Variants in PDK1 observed in about 807,000 individuals in gnomAD.
PDK1 encodes the protein pyruvate dehydrogenase kinase 1.
A neutral mutation model predicts 54.2 loss-of-function variants in PDK1; 39 were observed. The ratio of observed to expected loss-of-function variants is 0.72; its 90% CI spans 0.56 to 0.94. The LOEUF is 0.94. PDK1 is among the 40% of genes least tolerant of loss of function. PDK1 has a pLI of 0.00. For missense variants in PDK1, 552 were observed against 566.0 expected (o/e 0.98, Z 0.25); for synonymous variants, 221 against 207.1 (o/e 1.07, Z -0.58).
At chr2:172,638,202 A>G in the PDK1 span, among the ~76,000 whole-genome samples, 7 of 152,334 alleles carry the variant, frequency 4.6e-5, no homozygotes, top group East Asian at 1.3e-3. Flanking sequence ...CAGAGATGGC[A>G]CTTTTATTTA....
chr2:172,573,623 ATATT>A (rs1689414617), intron 8 of PDK1, among the ~76,000 whole-genome samples: 1 of 150,544 alleles, frequency 6.6e-6, no homozygotes, highest in Admixed American at 6.7e-5. Flanking sequence ...TTGTGTGTAT[ATATT>A]CTATGTGTGT....
the PDK1 span, among the ~76,000 whole-genome samples, chr2:172,686,316 G>A: frequency 2.6e-5 from 4 of 152,310 alleles, no homozygotes; most frequent in East Asian, 7.7e-4. Flanking sequence ...CTTACAAGAG[G>A]TTTGTAAAAT....
At chr2:172,561,031 A>G (rs576209857) in intron 2 of PDK1, among the ~76,000 whole-genome samples, 1 of 152,378 alleles carries the variant, frequency 6.6e-6, no homozygotes, top group African/African-American at 2.4e-5. Flanking sequence ...ACTGCTATAT[A>G]TATGATAATC....
At chr2:172,564,902 T>G (rs1366539347) in intron 4 of PDK1, 76 bp from the exon 5 acceptor site, 1 of 1,056,164 alleles carries the variant, frequency 9.5e-7, no homozygotes, top group African/African-American at 1.6e-5. Flanking sequence ...TTGGTACAAT[T>G]TAAACAGTAT....
chr2:172,627,068 A>G, the PDK1 span, among the ~76,000 whole-genome samples: 5 of 152,218 alleles, frequency 3.3e-5, no homozygotes, highest in Admixed American at 1.3e-4. Context: ...CAACACTGCC[A>G]TAGGAATTTT....
Position 172,556,321 on chromosome 2 carries a change from C to A in PDK1, c.171C>A (p.Leu57=). 6.7e-7 allele frequency: 1 copy of A among 1,484,194 alleles called. No individual in the cohort carries two copies. 91.9% of individuals were successfully genotyped at this position (1,484,194 alleles called of 1,614,324 possible). Residue 57 remains leucine (L), a synonymous_variant, in exon 1 of 11, where the codon CTC becomes CTA. Coordinates refer to ENST00000282077, the MANE Select transcript of PDK1 (RefSeq NM_002610.5). ...DFYARFSPSP[L]SMKQFLDFGS... ...ACGCGCGCTTCTCGCCGTCCCCGCT[C>A]TCCATGAAGCAGTTCCTGGACTTCG...
chr2:172,577,810 GTTCTA>G (rs1689659885), intron 8 of PDK1, among the ~76,000 whole-genome samples: 1 of 151,880 alleles, frequency 6.6e-6, no homozygotes, highest in African/African-American at 2.4e-5. Context: ...TATAATTATT[GTTCTA>G]TTCAATTGTC....
chr2:172,626,718 T>C, the PDK1 span, among the ~76,000 whole-genome samples: 2 of 151,750 alleles, frequency 1.3e-5, no homozygotes, highest in Non-Finnish European at 2.9e-5. Context: ...TGCTTGAACC[T>C]GGCGGTTGAG....
In PDK1 at chr2:172,596,640, A is replaced by C. The variant is rs1298796918; in HGVS notation, c.*671A>C. On this transcript the variant is annotated 3_prime_UTR_variant, in exon 11 of 11. Transcript: ENST00000282077. Reference sequence around the variant, plus strand: ...GTGTACTTCTGATTAATGCAAGGGGAAATTTTTATACTGAAAACAAACAAA... The same window carrying C: ...GTGTACTTCTGATTAATGCAAGGGGCAATTTTTATACTGAAAACAAACAAA... The C allele has an allele frequency of 3.3e-5, 5 of 152,214 alleles. No individual in the cohort carries two copies. Among genetic ancestry groups the C allele is most frequent in the Admixed American group, 2.0e-4 (3 of 15,278 alleles). 9.4% of individuals were successfully genotyped at this position (152,214 alleles called of 1,614,324 possible).
chr2:172,686,287 G>A, the PDK1 span, among the ~76,000 whole-genome samples: 1,608 of 152,300 alleles, frequency 0.011, 16 homozygotes, highest in Non-Finnish European at 0.014. Flanking sequence ...GGGTCAAGGC[G>A]GGGACTTGGA....
chr2:172,694,266 T>C, the PDK1 span, among the ~76,000 whole-genome samples: 2 of 152,236 alleles, frequency 1.3e-5, no homozygotes, highest in Non-Finnish European at 2.9e-5. Context: ...GCAATGTCCA[T>C]GTGGTTACAC....
chr2:172,664,572 A>C, the PDK1 span, among the ~76,000 whole-genome samples: 1 of 151,770 alleles, frequency 6.6e-6, no homozygotes, highest in African/African-American at 2.4e-5. Context: ...GTCTTTTCCC[A>C]CTCTATAAAG....
intron 8 of PDK1, among the ~76,000 whole-genome samples, chr2:172,581,558 C>T (rs11686903): frequency 0.24 from 36,610 of 152,120 alleles, 5,605 homozygotes; most frequent in Non-Finnish European, 0.35. Context: ...TCTAGAAGTC[C>T]TGTCTGTATT....
chr2:172,714,890 A>G, the PDK1 span, among the ~76,000 whole-genome samples: 1 of 152,334 alleles, frequency 6.6e-6, no homozygotes, highest in African/African-American at 2.4e-5. Flanking sequence ...AGTACACTAT[A>G]GGATAGAATA....
chr2:172,585,471 A>G (rs754094276), intron 8 of PDK1, among the ~76,000 whole-genome samples: 2 of 151,788 alleles, frequency 1.3e-5, no homozygotes, highest in African/African-American at 2.4e-5. Flanking sequence ...GACTACAGGC[A>G]TGTGCCACCA....
At chr2:172,583,312 T>A (rs541263254) in intron 8 of PDK1, among the ~76,000 whole-genome samples, 1,957 of 134,902 alleles carry the variant, frequency 0.015, 24 homozygotes, top group South Asian at 0.047. Context: ...TTTTTTTTTT[T>A]ACTGAGCAGA....
rs1691110136 is a variant in PDK1, at chr2:172,601,373, C to T, written c.*5404C>T. The T allele has an allele frequency of 6.6e-6, 1 of 152,098 alleles. No individual in the cohort carries two copies. The highest frequency in any genetic ancestry group is 2.1e-4 in the South Asian group (1 of 4,824). 9.4% of individuals were successfully genotyped at this position (152,098 alleles called of 1,614,324 possible). A position where few individuals can be genotyped will look rare whatever the true frequency, so the allele number is the denominator to read the frequency against. ...TACTGATAATGGTTAGGCTTTCTGT[C>T]CCCACCGCACAAATCTCATCTTGAA... On this transcript the variant is annotated 3_prime_UTR_variant, in exon 11 of 11. Coordinates refer to ENST00000282077, the MANE Select transcript of PDK1 (RefSeq NM_002610.5).
the PDK1 span, among the ~76,000 whole-genome samples, chr2:172,705,711 A>G: frequency 2.0e-5 from 3 of 152,244 alleles, no homozygotes; most frequent in African/African-American, 4.8e-5. Flanking sequence ...CTATTTATAC[A>G]AGTAACTTTG....
the PDK1 span, among the ~76,000 whole-genome samples, chr2:172,622,215 T>TATGTTTATATCTCATATATTATGTGAG: frequency 2.8e-5 from 4 of 145,066 alleles, no homozygotes; most frequent in African/African-American, 5.0e-5. Flanking sequence ...TCATGAGAGA[T>TATGTTTATATCTCATATATTATGTGAG]ATGTTTATAT....
Sources: allele counts gnomAD v4.1 joint callset (sites outside exome capture counted in the v4.1 genomes callset), GRCh38; gene constraint gnomAD v4.1.1; transcripts MANE v1.5; gene names NCBI Gene and HGNC (gene_info 2026-07-23, HGNC 2026-07-21).